The following ZSCAN5B variants were observed in gnomAD, a reference collection of about 807,000 sequenced individuals.
The protein encoded by ZSCAN5B is zinc finger and SCAN domain containing 5B, also known as zinc finger and SCAN domain-containing protein 5B.
Under a neutral mutation model 25.2 loss-of-function variants are expected in ZSCAN5B, and 26 were observed. That is an observed-to-expected ratio of 1.03 (90% CI 0.76 to 1.43). ZSCAN5B has a LOEUF of 1.43. Ranked by LOEUF, ZSCAN5B falls within the 40% of genes most tolerant of loss-of-function variation. The pLI, the probability that ZSCAN5B is intolerant of heterozygous loss-of-function variation, is 0.00. For synonymous variants in ZSCAN5B, 244 were observed against 240.9 expected (o/e 1.01, Z -0.12); for missense variants, 745 against 622.1 (o/e 1.20, Z -2.10).
intron 1 of ZSCAN5B, among the ~76,000 whole-genome samples, chr19:56,196,046 A>G (rs2032805472): frequency 6.6e-6 from 1 of 151,776 alleles, no homozygotes; most frequent in African/African-American, 2.4e-5. Flanking sequence ...TTTTATTTTT[A>G]TTTCGTTTTA....
chr19:56,191,118 A>C lies in ZSCAN5B; in HGVS notation c.589-131T>G, dbSNP rs1568584405. 4 of 1,237,916 alleles carry C rather than the reference A, an allele frequency of 3.2e-6. No individual in the cohort carries two copies. In the South Asian group the frequency reaches 5.5e-5, roughly 17 times the overall value. The allele number at this position is 1,237,916 out of a possible 1,614,324, so 76.7% of individuals were successfully genotyped here. A position where few individuals can be genotyped will look rare whatever the true frequency, so the allele number is the denominator to read the frequency against. On this transcript the variant is annotated intron_variant, in intron 3 of 4. Transcript: ENST00000586855. ...CCCATCACCCCAAGTAAACATCACC[A>C]CCTCATTTCTGCGTCTGTCCCTAAT...
At chr19:56,193,938 CAG>C (rs1329380531) in intron 1 of ZSCAN5B, among the ~76,000 whole-genome samples, 6 of 128,710 alleles carry the variant, frequency 4.7e-5, no homozygotes, top group Non-Finnish European at 6.3e-5. Context: ...GCCTGGGTGA[CAG>C]AGTAAGACTC....
chr19:56,197,392 C>T (rs2032824021), intron 1 of ZSCAN5B, among the ~76,000 whole-genome samples: 1 of 152,106 alleles, frequency 6.6e-6, no homozygotes, highest in Non-Finnish European at 1.5e-5. Context: ...CGCCCGCCAC[C>T]ACGCCCGGCT....
exon 5 of ZSCAN5B, chr19:56,189,831 T>C: frequency 3.1e-6 from 5 of 1,605,940 alleles, no homozygotes; most frequent in South Asian, 1.1e-5. Context: ...CTGGAATCAC[T>C]GGGAGGTGGT....
intron 3 of ZSCAN5B, 33 bp downstream of exon 3, chr19:56,191,817 C>T: frequency 6.2e-7 from 1 of 1,607,102 alleles, no homozygotes. Context: ...CTTCTCCCAC[C>T]TCTGCCCAGA....
intron 1 of ZSCAN5B, among the ~76,000 whole-genome samples, chr19:56,196,176 C>G (rs535510328): frequency 1.3e-5 from 2 of 152,118 alleles, no homozygotes; most frequent in Admixed American, 6.5e-5. Context: ...CTCAGCCTCC[C>G]GAGTAGCTGG....
At chr19:56,190,401 G>A in exon 5 of ZSCAN5B, 1 of 1,614,004 alleles carries the variant, frequency 6.2e-7, no homozygotes. Context: ...TTGGGAAATG[G>A]AGGAGGCATC....
exon 5 of ZSCAN5B, chr19:56,189,720 G>A (rs927857619): frequency 2.9e-5 from 38 of 1,329,880 alleles, no homozygotes; most frequent in African/African-American, 5.9e-5. Flanking sequence ...TCAAACATCC[G>A]GGCAATTCCT....
At chr19:56,193,116 A>G in exon 2 of ZSCAN5B, 1 of 1,456,616 alleles carries the variant, frequency 6.9e-7, no homozygotes, top group South Asian at 1.4e-5. Context: ...TATCAAATTG[A>G]GACCTATTTA....
chr19:56,197,745 C>G (rs1360985045), exon 1 of ZSCAN5B: 7 of 985,294 alleles, frequency 7.1e-6, no homozygotes, highest in South Asian at 4.7e-5. Flanking sequence ...TCCTTCCCGG[C>G]TTCTGCCTCC....
At chr19:56,197,450 C>G (rs1480036689) in intron 1 of ZSCAN5B, among the ~76,000 whole-genome samples, 1 of 152,138 alleles carries the variant, frequency 6.6e-6, no homozygotes, top group Non-Finnish European at 1.5e-5. Context: ...GTTGGTCAGA[C>G]TGGTCTTGAA....
chr19:56,197,687 C>G (rs931024227), intron 1 of ZSCAN5B, 47 bp downstream of exon 1: 29 of 961,628 alleles, frequency 3.0e-5, no homozygotes, highest in South Asian at 1.9e-4. Flanking sequence ...ACCAACCCCC[C>G]GCATGCCAGC....
At position 56,190,525 on chromosome 19, in the gene ZSCAN5B, C is replaced by A. The variant is rs1186025761; in HGVS notation, c.790G>T (p.Glu264Ter). 5.6e-6 allele frequency: 9 copies of A among 1,613,730 alleles called. No homozygotes were observed. The highest frequency in any genetic ancestry group is 7.6e-6 in the Non-Finnish European group (9 of 1,179,886). Reference sequence around the variant, plus strand: ...GAAGGTGTGTCAGCATCCACATTTTCCACAGAGGCTCTTTTCTGGGGTTCC... The same window carrying A: ...GAAGGTGTGTCAGCATCCACATTTTACACAGAGGCTCTTTTCTGGGGTTCC... The change falls in exon 5 of 5, where the codon GAA becomes TAA. Residue 264 changes from glutamate (E) to a stop codon, truncating the protein, a stop_gained. Coordinates refer to ENST00000586855, the Ensembl canonical transcript of ZSCAN5B. LOFTEE classifies it low-confidence loss of function (END_TRUNC).
Position 56,189,871 on chromosome 19 carries a change from A to ATG in ZSCAN5B, c.1442_1443dup (p.Phe482HisfsTer6). On this transcript the variant is annotated frameshift_variant, in exon 5 of 5. Transcript: ENST00000586855. LOFTEE classifies it low-confidence loss of function (END_TRUNC). ...CGGTGTGTTTTCAGGTGACGCTTGA[A>ATG]TGTCCCCAGCTGACGGAAGGCCTTT... is the stretch of plus-strand genomic sequence containing the variant. The ATG allele has an allele frequency of 6.2e-7, 1 of 1,613,658 alleles. No homozygotes were observed. Among genetic ancestry groups the ATG allele is most frequent in the Non-Finnish European group, 8.5e-7 (1 of 1,179,654 alleles).
exon 2 of ZSCAN5B, chr19:56,193,057 A>G (rs535628209): frequency 2.8e-4 from 426 of 1,540,264 alleles, no homozygotes; most frequent in South Asian, 1.1e-3. Flanking sequence ...AGCCATATCT[A>G]CTGGAGAATA....
In ZSCAN5B at chr19:56,190,482, C is replaced by T. The variant is rs750625193; in HGVS notation, c.833G>A (p.Arg278Lys). ...GTTCCCGCTGTGAGTCAAAGCTTCT[C>T]TCTCCACAACGCAGGCAGAAGGTGT... is the stretch of plus-strand genomic sequence containing the variant. The change falls in exon 5 of 5, where the codon AGA becomes AAA. Residue 278 changes from arginine (R) to lysine (K), a missense_variant. Coordinates refer to ENST00000586855, the Ensembl canonical transcript of ZSCAN5B. The T allele has an allele frequency of 2.1e-5, 34 of 1,613,954 alleles. No individual in the cohort carries two copies. In the South Asian group the frequency reaches 3.2e-4, roughly 15 times the overall value.
rs368208620 is a variant in ZSCAN5B at position 56,190,593 on chromosome 19, T to A, written c.740-18A>T. On this transcript the variant is annotated intron_variant, in intron 4 of 4. Coordinates refer to ENST00000586855, the Ensembl canonical transcript of ZSCAN5B. The stretch of plus-strand genomic sequence containing the variant: ...CACCAGATCTGGTGGAAGAAGGGAT[T>A]CCACACACAACAGTTAACAAAGCCG... The A allele has an allele frequency of 3.7e-6, 6 of 1,606,972 alleles. No homozygotes were observed. The African/African-American group carries it at 8.0e-5, about 22-fold the overall frequency.
chr19:56,190,520 A>G (rs2032716744), exon 5 of ZSCAN5B: 1 of 1,613,574 alleles, frequency 6.2e-7, no homozygotes, highest in Non-Finnish European at 8.5e-7. Context: ...CAGCATCCAC[A>G]TTTTCCACAG....
exon 5 of ZSCAN5B, chr19:56,190,310 T>G: frequency 1.2e-6 from 2 of 1,614,172 alleles, no homozygotes; most frequent in Admixed American, 3.3e-5. Flanking sequence ...CCGCAGGGCC[T>G]GGGGAATGAA....
Sources: allele counts gnomAD v4.1 joint callset (sites outside exome capture counted in the v4.1 genomes callset), GRCh38; gene constraint gnomAD v4.1.1; transcripts MANE v1.5; gene names NCBI Gene and HGNC (gene_info 2026-07-23, HGNC 2026-07-21).